GREM2: variants seen among roughly 807,000 people sequenced by gnomAD.
GREM2 encodes gremlin-2.
In GREM2, 11 loss-of-function variants were observed where a neutral mutation model predicts 14.2. That is an observed-to-expected ratio of 0.78 (90% confidence interval 0.49 to 1.28). The LOEUF (loss-of-function observed/expected upper bound fraction) is 1.28. Among genes scored for constraint, GREM2 ranks in the 50% most tolerant of loss-of-function variants. The pLI, the probability that GREM2 is intolerant of heterozygous loss-of-function variation, is 0.00. For synonymous variants in GREM2, 98 were observed against 97.6 expected (o/e 1.00, Z -0.02); for missense variants, 210 against 218.5 (o/e 0.96, Z 0.24).
chr1:240,606,135 T>G (rs895758289), intron 1 of GREM2, among the ~76,000 whole-genome samples: 1 of 152,218 alleles, frequency 6.6e-6, no homozygotes, highest in Non-Finnish European at 1.5e-5. Flanking sequence ...CAGCAGTCTC[T>G]GATCCTAGCT....
At position 240,492,939 on chromosome 1, in the gene GREM2, C is replaced by A. The variant is rs561456688; in HGVS notation, c.*30G>T. The stretch of plus-strand genomic sequence containing the variant: ...CGGCGCCACCCAGCGGCCGGGCGCG[C>A]GCGGGGCTGAGCTGCGTCCGGCCCG... On this transcript the variant is annotated 3_prime_UTR_variant, in exon 2 of 2. Coordinates refer to ENST00000318160, the MANE Select transcript of GREM2 (RefSeq NM_022469.4). 7.0e-7 allele frequency: 1 copy of A among 1,431,862 alleles called. No homozygotes were observed. Among genetic ancestry groups the A allele is most frequent in the South Asian group, 1.7e-5 (1 of 59,520 alleles). The allele number at this position is 1,431,862 out of a possible 1,614,324, so 88.7% of individuals were successfully genotyped here.
At position 240,493,115 on chromosome 1, in the gene GREM2, C is replaced by T. The variant is rs1572359872; in HGVS notation, c.361G>A (p.Ala121Thr). The T allele has an allele frequency of 6.2e-7, 1 of 1,614,156 alleles. No individual in the cohort carries two copies. The highest frequency in any genetic ancestry group is 8.5e-7 in the Non-Finnish European group (1 of 1,180,018). The change falls in exon 2 of 2, where the codon GCC becomes ACC. Residue 121 changes from alanine (A) to threonine (T), a missense_variant. Coordinates refer to ENST00000318160, the MANE Select transcript of GREM2 (RefSeq NM_022469.4). ...KKEEESFQSCAFCKPQRVTSV... is the reference protein window; with the variant it reads ...KKEEESFQSCTFCKPQRVTSV... ...GTGACGCGCTGGGGCTTGCAGAAGG[C>T]GCAGGACTGGAAGGACTCCTCCTCC...
chr1:240,598,545 AG>A (rs1489372786), intron 1 of GREM2, among the ~76,000 whole-genome samples: 1 of 152,236 alleles, frequency 6.6e-6, no homozygotes, highest in Non-Finnish European at 1.5e-5. Context: ...TTCAGACATC[AG>A]TCATCAGCAG....
chr1:240,542,694 AT>A lies in GREM2; in HGVS notation c.-1-49219del, dbSNP rs553970515. Among the ~76,000 whole-genome samples the A allele has an allele frequency of 4.6e-5, 7 of 151,426 alleles. No individual in the cohort carries two copies. The highest frequency in any genetic ancestry group is 1.5e-4 in the African/African-American group (6 of 41,334). On this transcript the variant is annotated intron_variant, in intron 1 of 1. Coordinates refer to ENST00000318160, the MANE Select transcript of GREM2 (RefSeq NM_022469.4). This position sits in a 1 kb window ranked among gnomAD's most constrained non-coding sequence, Gnocchi z 4.1. ...CTCAGAAGGCTTGATCACACTTTGG[AT>A]TTTTTTTTCACTCAGTTTTGACAGA...
chr1:240,585,285 T>C (rs777945470), intron 1 of GREM2, among the ~76,000 whole-genome samples: 7 of 152,066 alleles, frequency 4.6e-5, no homozygotes, highest in Admixed American at 2.0e-4. Context: ...CTTGCCACCA[T>C]AGGGCCCTGT....
intron 1 of GREM2, among the ~76,000 whole-genome samples, chr1:240,538,602 C>T (rs936650553): frequency 6.6e-6 from 1 of 151,920 alleles, no homozygotes; most frequent in African/African-American, 2.4e-5. Flanking sequence ...CCTATAGTCC[C>T]AGCGACTTGG....
chr1:240,589,880 G>A (rs574785903), intron 1 of GREM2, among the ~76,000 whole-genome samples: 1 of 152,318 alleles, frequency 6.6e-6, no homozygotes, highest in African/African-American at 2.4e-5. Flanking sequence ...TGGCCTTTAA[G>A]CTGGGTCTGG....
intron 1 of GREM2, among the ~76,000 whole-genome samples, chr1:240,545,417 A>C (rs1485210798): frequency 1.7e-5 from 2 of 115,950 alleles, no homozygotes; most frequent in Non-Finnish European, 3.5e-5. Context: ...TAAACCAGTT[A>C]AACGTAAGTA....
chr1:240,600,809 C>A (rs74357666), intron 1 of GREM2, among the ~76,000 whole-genome samples: 6,976 of 152,110 alleles, frequency 0.046, 410 homozygotes, highest in African/African-American at 0.13. Flanking sequence ...ACATGCATGT[C>A]TCTCCTTCCC....
At chr1:240,530,404 A>C (rs1678325774) in intron 1 of GREM2, 1 of 152,130 alleles carries the variant, frequency 6.6e-6, no homozygotes, top group Non-Finnish European at 1.5e-5. Context: ...AAATTCTCTC[A>C]TCATTTCTGG....
chr1:240,537,018 T>C (rs1376261840), intron 1 of GREM2, among the ~76,000 whole-genome samples: 1 of 152,234 alleles, frequency 6.6e-6, no homozygotes, highest in Non-Finnish European at 1.5e-5. Context: ...AATTAATTCC[T>C]AAGACTTAGA....
At chr1:240,523,214 TCC>T (rs1453854481) in intron 1 of GREM2, among the ~76,000 whole-genome samples, 1 of 152,150 alleles carries the variant, frequency 6.6e-6, no homozygotes, top group Non-Finnish European at 1.5e-5. Context: ...CGCCTCAGCC[TCC>T]CGAGTAGCTG....
At chr1:240,499,666 A>G (rs1485818535) in intron 1 of GREM2, among the ~76,000 whole-genome samples, 1 of 152,268 alleles carries the variant, frequency 6.6e-6, no homozygotes, top group African/African-American at 2.4e-5. Flanking sequence ...CCCTGGGATC[A>G]GGGATCATCC....
intron 1 of GREM2, among the ~76,000 whole-genome samples, chr1:240,596,233 A>T (rs192133683): frequency 6.6e-6 from 1 of 152,204 alleles, no homozygotes; most frequent in African/African-American, 2.4e-5. Flanking sequence ...CTAATCAATC[A>T]TCACATATAA....
intron 1 of GREM2, among the ~76,000 whole-genome samples, chr1:240,544,530 A>G (rs1458882060): frequency 1.3e-5 from 2 of 152,134 alleles, no homozygotes; most frequent in South Asian, 2.1e-4. Context: ...ACCAACCCCA[A>G]TGGATACAAA....
intron 1 of GREM2, among the ~76,000 whole-genome samples, chr1:240,502,460 A>AT (rs1677591345): frequency 2.0e-5 from 3 of 152,070 alleles, no homozygotes; most frequent in African/African-American, 4.8e-5. Flanking sequence ...TTCCCCAAGA[A>AT]TTTTTTCCAT....
chr1:240,514,514 G>C (rs933428161), intron 1 of GREM2, among the ~76,000 whole-genome samples: 25 of 152,112 alleles, frequency 1.6e-4, no homozygotes, highest in African/African-American at 5.8e-4. Context: ...TAAAGTTAGG[G>C]ATACGGATGA....
At position 240,562,052 on chromosome 1, in the gene GREM2, C is replaced by T. The variant is rs548178429; in HGVS notation, c.-2+49832G>A. ...GACTAATTAAATGTATTATAATAATCACAAGCTACTATGTGAATATTAAAT... is the reference window on the plus strand; with the variant it reads ...GACTAATTAAATGTATTATAATAATTACAAGCTACTATGTGAATATTAAAT... On this transcript the variant is annotated intron_variant, in intron 1 of 1. Transcript: ENST00000318160. 3.2e-4 allele frequency among the ~76,000 whole-genome samples: 49 copies of T among 152,236 alleles called. 1 individual carries two copies. In the South Asian group the frequency reaches 9.7e-3, roughly 30 times the overall value.
chr1:240,527,901 C>A (rs1248409058), intron 1 of GREM2, among the ~76,000 whole-genome samples: 1 of 152,032 alleles, frequency 6.6e-6, no homozygotes, highest in Non-Finnish European at 1.5e-5. Context: ...AATGTAATGG[C>A]CTCATGGTTG....
Sources: gnomAD v4.1 joint callset for allele counts (sites outside exome capture counted in the v4.1 genomes callset) on GRCh38, gnomAD v4.1.1 for gene constraint, Gnocchi (gnomAD v3.1) non-coding constraint, MANE v1.5 for transcripts, NCBI Gene and HGNC (gene_info 2026-07-23, HGNC 2026-07-21) for gene names.